The following CACNB2 variants were observed in gnomAD, a reference collection of about 807,000 sequenced individuals.
The protein encoded by CACNB2 is calcium voltage-gated channel auxiliary subunit beta 2, also known as voltage-dependent L-type calcium channel subunit beta-2.
Under a neutral mutation model 73.3 loss-of-function variants are expected in CACNB2, and 42 were observed. That is an observed-to-expected ratio of 0.57 (90% CI 0.45 to 0.74). The LOEUF (loss-of-function observed/expected upper bound fraction) is 0.74. CACNB2 is among the 30% of genes least tolerant of loss of function. CACNB2 has a pLI of 0.00. For missense variants in CACNB2, 940 were observed against 853.0 expected, an observed-to-expected ratio of 1.10 and a Z score of -1.27; for synonymous variants, 348 against 310.3, an observed-to-expected ratio of 1.12 and a Z score of -1.28.
intron 2 of CACNB2, chr10:18,401,219 A>C: frequency 8.2e-7 from 1 of 1,222,048 alleles, no homozygotes; most frequent in South Asian, 1.3e-5. Context: ...TGATTGCAGG[A>C]GAGGGAAGCT....
At chr10:18,393,552 A>G (rs938658802) in intron 2 of CACNB2, among the ~76,000 whole-genome samples, 4 of 152,138 alleles carry the variant, frequency 2.6e-5, no homozygotes, top group Non-Finnish European at 2.9e-5. Flanking sequence ...CTTGCCTACT[A>G]TTTGTACTTT....
chr10:18,330,308 C>T (rs1399483362), intron 2 of CACNB2, among the ~76,000 whole-genome samples: 1 of 152,044 alleles, frequency 6.6e-6, no homozygotes, highest in East Asian at 1.9e-4. Context: ...ATACAATTAT[C>T]GGGTCTATTC....
intron 2 of CACNB2, among the ~76,000 whole-genome samples, chr10:18,157,177 A>G (rs1473087686): frequency 7.2e-5 from 11 of 152,176 alleles, no homozygotes; most frequent in Admixed American, 7.2e-4. Flanking sequence ...TATATACTGA[A>G]CGTATAATTT....
chr10:18,226,515 G>C (rs2035998324), intron 2 of CACNB2, among the ~76,000 whole-genome samples: 1 of 152,118 alleles, frequency 6.6e-6, no homozygotes, highest in Admixed American at 6.5e-5. Context: ...CATTTGGTAT[G>C]ACCCCAGGCT....
intron 2 of CACNB2, among the ~76,000 whole-genome samples, chr10:18,329,063 A>G (rs2040696572): frequency 6.6e-6 from 1 of 152,156 alleles, no homozygotes; most frequent in East Asian, 1.9e-4. Context: ...TCATGGATGC[A>G]TTATTTTCTC....
chr10:18,193,645 T>A (rs965497980), intron 2 of CACNB2, among the ~76,000 whole-genome samples: 2 of 152,156 alleles, frequency 1.3e-5, no homozygotes, highest in Non-Finnish European at 2.9e-5. Flanking sequence ...GTGTTTTACC[T>A]CTGAGGGGCT....
At chr10:18,237,918 T>C (rs1052668650) in intron 2 of CACNB2, among the ~76,000 whole-genome samples, 1 of 152,196 alleles carries the variant, frequency 6.6e-6, no homozygotes, top group Non-Finnish European at 1.5e-5. Flanking sequence ...GGCTGGACTT[T>C]GTTCACTGAG....
chr10:18,359,976 A>G (rs778613457), intron 2 of CACNB2, among the ~76,000 whole-genome samples: 5 of 152,210 alleles, frequency 3.3e-5, no homozygotes, highest in Non-Finnish European at 7.3e-5. Flanking sequence ...ATTCAAATTA[A>G]GCCATAAACA....
At chr10:18,507,338 A>C (rs1457363163) in intron 6 of CACNB2, among the ~76,000 whole-genome samples, 1 of 152,150 alleles carries the variant, frequency 6.6e-6, no homozygotes, top group African/African-American at 2.4e-5. Context: ...AAAGATGAAA[A>C]TGTGTGTGGG....
rs578067862 is a variant in CACNB2, at chr10:18,266,412, A to C, written c.213+115437A>C. Among the ~76,000 whole-genome samples, 18 of 152,244 alleles carry C rather than the reference A, an allele frequency of 1.2e-4. No homozygotes were observed. The South Asian group carries it at 3.7e-3, about 32-fold the overall frequency. ...ATAATTAAATTTAATTAACATGAAAATGTTGTAGTGCTTTTGGGTATAAAA... is the reference window on the plus strand; with the variant it reads ...ATAATTAAATTTAATTAACATGAAACTGTTGTAGTGCTTTTGGGTATAAAA... On this transcript the variant is annotated intron_variant, in intron 2 of 13. Transcript: ENST00000324631.
chr10:18,151,901 C>T (rs2031590960), intron 2 of CACNB2, among the ~76,000 whole-genome samples: 1 of 152,170 alleles, frequency 6.6e-6, no homozygotes. Context: ...TGCCACTTTC[C>T]CCAGTGCCGC....
At chr10:18,410,551 A>G (rs1646334814) in intron 3 of CACNB2, among the ~76,000 whole-genome samples, 1 of 152,200 alleles carries the variant, frequency 6.6e-6, no homozygotes, top group South Asian at 2.1e-4. Flanking sequence ...TCTTATTGTG[A>G]ACATTATATG....
At chr10:18,368,779 T>A (rs1466308467) in intron 2 of CACNB2, among the ~76,000 whole-genome samples, 3 of 152,084 alleles carry the variant, frequency 2.0e-5, no homozygotes, top group African/African-American at 7.2e-5. Flanking sequence ...AAGCCAGTTT[T>A]TCATGAATAA....
At chr10:18,404,090 C>G (rs75159173) in intron 3 of CACNB2, among the ~76,000 whole-genome samples, 5,630 of 152,072 alleles carry the variant, frequency 0.037, 262 homozygotes, top group South Asian at 0.13. Context: ...TCCCATGTAC[C>G]TCATAAATAT....
Position 18,434,955 on chromosome 10 carries a change from C to T in CACNB2, c.333+32912C>T, listed in dbSNP as rs573878612. Among the ~76,000 whole-genome samples, 3 of 152,170 alleles carry T rather than the reference C, an allele frequency of 2.0e-5. No homozygotes were observed. In the South Asian group the frequency reaches 6.2e-4, roughly 32 times the overall value. ...GTGCCATTAAGAAAATAGTTTTGAC[C>T]TTGTGGAATCCCTAAAAGGGTCTCT... On this transcript the variant is annotated intron_variant, in intron 3 of 13. Transcript: ENST00000324631.
At chr10:18,215,436 A>G (rs966431225) in intron 2 of CACNB2, among the ~76,000 whole-genome samples, 3 of 152,194 alleles carry the variant, frequency 2.0e-5, no homozygotes, top group African/African-American at 2.4e-5. Flanking sequence ...TCTGGGACCA[A>G]TCTGAGGATT....
intron 2 of CACNB2, among the ~76,000 whole-genome samples, chr10:18,184,465 C>A (rs2034046694): frequency 6.6e-6 from 1 of 152,072 alleles, no homozygotes; most frequent in South Asian, 2.1e-4. Flanking sequence ...AAGTATGGTA[C>A]CTTTGTTATA....
intron 3 of CACNB2, among the ~76,000 whole-genome samples, chr10:18,447,192 T>A (rs1245508642): frequency 6.6e-6 from 1 of 151,826 alleles, no homozygotes; most frequent in Non-Finnish European, 1.5e-5. Context: ...AACTGGGAAG[T>A]TGACATTAGA....
At chr10:18,234,999 C>G (rs1018460900) in intron 2 of CACNB2, among the ~76,000 whole-genome samples, 7 of 151,754 alleles carry the variant, frequency 4.6e-5, no homozygotes, top group Non-Finnish European at 8.8e-5. Flanking sequence ...AAAAATTAGC[C>G]AGGTGTGGTG....
Sources: allele counts gnomAD v4.1 joint callset (sites outside exome capture counted in the v4.1 genomes callset), GRCh38; gene constraint gnomAD v4.1.1; transcripts MANE v1.5; gene names NCBI Gene and HGNC (gene_info 2026-07-23, HGNC 2026-07-21).